The following CAMK4 variants were observed in gnomAD, a reference collection of about 807,000 sequenced individuals.
CAMK4 encodes calcium/calmodulin dependent protein kinase IV, also known as calcium/calmodulin-dependent protein kinase type IV.
In CAMK4, 22 loss-of-function variants were observed where a neutral mutation model predicts 44.9. That is an observed-to-expected ratio of 0.49 (90% CI 0.35 to 0.70). The LOEUF is 0.70. CAMK4 is among the 30% of genes least tolerant of loss of function. CAMK4 has a pLI of 0.01. For synonymous variants in CAMK4, 218 were observed against 215.4 expected (o/e 1.01, Z -0.11); for missense variants, 498 against 586.8 (o/e 0.85, Z 1.56).
chr5:111,258,740 C>CAT (rs1749849118), intron 1 of CAMK4, among the ~76,000 whole-genome samples: 1 of 139,236 alleles, frequency 7.2e-6, no homozygotes, highest in Non-Finnish European at 1.6e-5. Context: ...GAGTTATCAG[C>CAT]GTGTGTGTGT....
At chr5:111,343,336 C>G (rs1156501505) in intron 1 of CAMK4, among the ~76,000 whole-genome samples, 2 of 151,736 alleles carry the variant, frequency 1.3e-5, no homozygotes, top group African/African-American at 4.8e-5. Flanking sequence ...TAGAAGTTCT[C>G]TTTCTGAAGT....
chr5:111,434,028 G>A (rs556755053), intron 5 of CAMK4, among the ~76,000 whole-genome samples: 20 of 152,278 alleles, frequency 1.3e-4, no homozygotes, highest in African/African-American at 3.1e-4. Flanking sequence ...CTTGCGCGGT[G>A]GCTCATGCCT....
At chr5:111,478,205 G>T (rs1472005599) in intron 8 of CAMK4, among the ~76,000 whole-genome samples, 176 bp from the exon 9 acceptor site, 2 of 151,958 alleles carry the variant, frequency 1.3e-5, no homozygotes, top group African/African-American at 2.4e-5. Context: ...GGACTTGATT[G>T]TGTGTTTACA....
chr5:111,401,658 T>G (rs763601468), intron 5 of CAMK4, among the ~76,000 whole-genome samples: 24 of 152,080 alleles, frequency 1.6e-4, no homozygotes, highest in Non-Finnish European at 2.2e-4. Flanking sequence ...GCTTTTTACA[T>G]AGGAAATCAA....
At chr5:111,240,447 C>A (rs1293754947) in intron 1 of CAMK4, among the ~76,000 whole-genome samples, 1 of 152,170 alleles carries the variant, frequency 6.6e-6, no homozygotes, top group Non-Finnish European at 1.5e-5. Flanking sequence ...AAATGTATTT[C>A]TCTAACGTGA....
Position 111,466,137 on chromosome 5 carries a change from C to T in CAMK4, c.626-7174C>T, listed in dbSNP as rs140026890. Among the ~76,000 whole-genome samples, 64 of 152,208 alleles carry T rather than the reference C, an allele frequency of 4.2e-4. No homozygotes were observed. In the East Asian group the frequency reaches 9.3e-3, roughly 22 times the overall value. ...CAATAGACTCAGGAAAAGCATCTGA[C>T]AAAATCCAGCAATGCTTTATGATTA... On this transcript the variant is annotated intron_variant, in intron 7 of 10. Transcript: ENST00000282356.
intron 5 of CAMK4, among the ~76,000 whole-genome samples, chr5:111,402,825 A>G (rs1460686152): frequency 1.3e-5 from 2 of 152,188 alleles, no homozygotes; most frequent in Non-Finnish European, 1.5e-5. Context: ...CGCTTTTGCT[A>G]TCTTGTAATT....
Position 111,489,188 on chromosome 5 carries a change from T to A in CAMK4, c.*4722T>A, listed in dbSNP as rs1755730853. The A allele has an allele frequency of 6.6e-6, 1 of 152,156 alleles. No individual in the cohort carries two copies. The highest frequency in any genetic ancestry group is 2.1e-4 in the South Asian group (1 of 4,818). 9.4% of individuals were successfully genotyped at this position (152,156 alleles called of 1,614,324 possible). ...TGTACCCAATAATTTCCTATAAAAT[T>A]TTTCAAAGTCCTTTTATTCCCCTGA... On this transcript the variant is annotated 3_prime_UTR_variant, in exon 11 of 11. Coordinates refer to ENST00000282356, the MANE Select transcript of CAMK4 (RefSeq NM_001744.6).
At chr5:111,441,050 G>T (rs1753806154) in intron 5 of CAMK4, among the ~76,000 whole-genome samples, 1 of 152,108 alleles carries the variant, frequency 6.6e-6, no homozygotes, top group African/African-American at 2.4e-5. Context: ...CAGATAAATT[G>T]CTTAAGGTCA....
intron 1 of CAMK4, among the ~76,000 whole-genome samples, chr5:111,332,326 G>A (rs405331): frequency 0.5 from 73,522 of 147,212 alleles, 18,979 homozygotes; most frequent in African/African-American, 0.64. Flanking sequence ...GAGAACATGC[G>A]GTGTTTGGTT....
chr5:111,265,939 G>A (rs1202023774), intron 1 of CAMK4: 1 of 152,220 alleles, frequency 6.6e-6, no homozygotes, highest in African/African-American at 2.4e-5. Context: ...GTTTTGGAAA[G>A]GATCTATGTC....
At chr5:111,346,517 C>G (rs1749876145) in intron 2 of CAMK4, among the ~76,000 whole-genome samples, 1 of 89,706 alleles carries the variant, frequency 1.1e-5, no homozygotes, top group Admixed American at 1.1e-4. Flanking sequence ...TATCTATCTC[C>G]ATCCATCTAT....
chr5:111,473,722 G>T (rs1755144999), intron 8 of CAMK4, among the ~76,000 whole-genome samples: 1 of 152,106 alleles, frequency 6.6e-6, no homozygotes, highest in Non-Finnish European at 1.5e-5. Flanking sequence ...TTACTTATTT[G>T]CATCTTATAT....
chr5:111,354,823 C>T (rs1750266246), intron 2 of CAMK4, among the ~76,000 whole-genome samples: 1 of 129,700 alleles, frequency 7.7e-6, no homozygotes, highest in Non-Finnish European at 1.8e-5. Context: ...AGATCCTCTA[C>T]ACTTTGCCAC....
At chr5:111,267,520 C>T (rs567081019) in intron 1 of CAMK4, among the ~76,000 whole-genome samples, 2 of 151,824 alleles carry the variant, frequency 1.3e-5, no homozygotes, top group South Asian at 4.1e-4. Flanking sequence ...ATCGAGACCA[C>T]GGTGAAACCC....
At chr5:111,416,154 C>G (rs1752806616) in intron 5 of CAMK4, among the ~76,000 whole-genome samples, 1 of 152,002 alleles carries the variant, frequency 6.6e-6, no homozygotes, top group Admixed American at 6.6e-5. Flanking sequence ...ACGTTAAATT[C>G]TTATTATGAT....
At chr5:111,386,702 A>G (rs1176950318) in intron 4 of CAMK4, among the ~76,000 whole-genome samples, 1 of 152,246 alleles carries the variant, frequency 6.6e-6, no homozygotes, top group Non-Finnish European at 1.5e-5. Context: ...ACACCAACTG[A>G]GGAGAAGAGC....
At position 111,225,146 on chromosome 5, in the gene CAMK4, G is replaced by C. The variant is rs531076280; in HGVS notation, c.161+502G>C. Among the ~76,000 whole-genome samples the C allele has an allele frequency of 1.4e-4, 21 of 152,320 alleles. No homozygotes were observed. The South Asian group carries it at 2.7e-3, about 20-fold the overall frequency. On this transcript the variant is annotated intron_variant, in intron 1 of 10. Coordinates refer to ENST00000282356, the MANE Select transcript of CAMK4 (RefSeq NM_001744.6). ...AAATACTAGCTTCCCTGCAGAGTCT[G>C]CTCAGGAGTGAAGGGAGAAATGAAT... is the stretch of plus-strand genomic sequence containing the variant.
intron 7 of CAMK4, among the ~76,000 whole-genome samples, chr5:111,472,214 G>A (rs1474872580): frequency 6.6e-6 from 1 of 152,034 alleles, no homozygotes; most frequent in African/African-American, 2.4e-5. Flanking sequence ...ATCTTGATAG[G>A]CAACACTGAA....
Sources: gnomAD v4.1 joint callset for allele counts (sites outside exome capture counted in the v4.1 genomes callset) on GRCh38, gnomAD v4.1.1 for gene constraint, MANE v1.5 for transcripts, NCBI Gene and HGNC (gene_info 2026-07-23, HGNC 2026-07-21) for gene names.